TRPV5: variants seen among roughly 807,000 people sequenced by gnomAD.
TRPV5 encodes the protein transient receptor potential cation channel subfamily V member 5, also known as calcium transport protein 2.
Under a neutral mutation model 74.1 loss-of-function variants are expected in TRPV5, and 66 were observed. That is an observed-to-expected ratio of 0.89 (90% CI 0.73 to 1.09). TRPV5 has a LOEUF of 1.09. Ranked by LOEUF, TRPV5 falls within the 50% of genes least tolerant of loss-of-function variation. TRPV5 has a pLI of 0.00. For missense variants in TRPV5, 936 were observed against 930.4 expected (o/e 1.01, Z -0.08); for synonymous variants, 399 against 360.7 (o/e 1.11, Z -1.20).
intron 1 of TRPV5, among the ~76,000 whole-genome samples, chr7:142,931,544 T>C (rs1016789743): frequency 6.6e-6 from 1 of 152,130 alleles, no homozygotes; most frequent in African/African-American, 2.4e-5. Context: ...CTGGAGCCTC[T>C]CCAACTAGAC....
chr7:142,911,650 G>A (rs535081273), intron 13 of TRPV5, among the ~76,000 whole-genome samples: 5 of 152,124 alleles, frequency 3.3e-5, no homozygotes, highest in East Asian at 1.9e-4. Flanking sequence ...CAACTAAACC[G>A]TCAGCTCCAT....
chr7:142,929,483 A>G lies in TRPV5; in HGVS notation c.432T>C (p.Ser144=), dbSNP rs1211366489. 5.0e-6 allele frequency: 8 copies of G among 1,614,030 alleles called. No homozygotes were observed. Among genetic ancestry groups the G allele is most frequent in the African/African-American group, 2.7e-5 (2 of 74,920 alleles). ...GGAAGGCAGTGCCTGTGGCTCTGGC[A>G]GAGACACTGGCCCTGCGGGTGAGCA... ...RALLTRRASV[S]ARATGTAFRH... The change falls in exon 4 of 15, where the codon TCT becomes TCC. Residue 144 remains serine, a synonymous_variant. Coordinates refer to ENST00000265310, the MANE Select transcript of TRPV5 (RefSeq NM_019841.7).
At chr7:142,915,108 T>C (rs773119670) in intron 10 of TRPV5, 62 bp from the exon 11 acceptor site, 2 of 1,585,162 alleles carry the variant, frequency 1.3e-6, no homozygotes, top group African/African-American at 1.3e-5. Flanking sequence ...CCCTACAGCA[T>C]AGTGGTGACC....
chr7:142,933,309 A>T, intron 1 of TRPV5, 23 bp downstream of exon 1: 1 of 1,611,568 alleles, frequency 6.2e-7, no homozygotes, highest in Non-Finnish European at 8.5e-7. Flanking sequence ...CGGTAGGGCC[A>T]CGGATCGTTC....
At chr7:142,930,760 G>A (rs1038046338) in intron 1 of TRPV5, among the ~76,000 whole-genome samples, 3 of 152,014 alleles carry the variant, frequency 2.0e-5, no homozygotes, top group African/African-American at 4.8e-5. Flanking sequence ...CTAAGAAGAG[G>A]ACCCTAGGCT....
chr7:142,923,192 A>T (rs1199126275), intron 8 of TRPV5, among the ~76,000 whole-genome samples: 1 of 152,222 alleles, frequency 6.6e-6, no homozygotes, highest in African/African-American at 2.4e-5. Flanking sequence ...TAAAGTATTC[A>T]TTCATCTAAG....
chr7:142,925,490 T>C (rs752725870), intron 8 of TRPV5, 39 bp downstream of exon 8: 9 of 1,607,738 alleles, frequency 5.6e-6, no homozygotes, highest in Admixed American at 1.7e-5. Context: ...CATCACCCCT[T>C]GATGCAATTC....
chr7:142,921,830 C>T (rs571134146), intron 8 of TRPV5, among the ~76,000 whole-genome samples: 64 of 152,284 alleles, frequency 4.2e-4, no homozygotes, highest in African/African-American at 1.5e-3. Context: ...GGTACCCAAC[C>T]CAACTCTCTG....
At chr7:142,915,181 A>G (rs1795773131) in intron 10 of TRPV5, 126 bp downstream of exon 10, 2 of 1,512,088 alleles carry the variant, frequency 1.3e-6, no homozygotes, top group South Asian at 1.2e-5. Flanking sequence ...AGTTACACCT[A>G]CAAGTCCACT....
At chr7:142,932,267 G>A (rs1451704645) in intron 1 of TRPV5, among the ~76,000 whole-genome samples, 1 of 152,108 alleles carries the variant, frequency 6.6e-6, no homozygotes, top group African/African-American at 2.4e-5. Flanking sequence ...CCTCTGCAGA[G>A]GGTCCAAGTT....
At chr7:142,928,548 C>A (rs1796027498) in intron 6 of TRPV5, 143 bp downstream of exon 6, 1 of 1,231,158 alleles carries the variant, frequency 8.1e-7, no homozygotes, top group Non-Finnish European at 1.1e-6. Flanking sequence ...GAATAGGAAG[C>A]AAGGGACCAC....
chr7:142,920,201 G>A (rs944066935), intron 8 of TRPV5, among the ~76,000 whole-genome samples: 1 of 152,212 alleles, frequency 6.6e-6, no homozygotes, highest in Non-Finnish European at 1.5e-5. Flanking sequence ...TGGTTCCCAT[G>A]TAAGTCAAGC....
At position 142,928,872 on chromosome 7, in the gene TRPV5, G is replaced by A. The variant is rs1563377597; in HGVS notation, c.587-6C>T. On this transcript the variant is annotated splice_polypyrimidine_tract_variant and splice_region_variant and intron_variant, in intron 5 of 14. Transcript: ENST00000265310. ...GATGTGTAATACTGTGTTTCCTGGGGAGGACGCAGGGTATCATGTGGCCAC... is the reference window on the plus strand; with the variant it reads ...GATGTGTAATACTGTGTTTCCTGGGAAGGACGCAGGGTATCATGTGGCCAC... 6.2e-7 allele frequency: 1 copy of A among 1,613,748 alleles called. No individual in the cohort carries two copies. Among genetic ancestry groups the A allele is most frequent in the Admixed American group, 1.7e-5 (1 of 59,998 alleles).
intron 12 of TRPV5, 30 bp downstream of exon 12, chr7:142,914,610 G>A (rs1289657206): frequency 1.3e-6 from 2 of 1,593,252 alleles, no homozygotes; most frequent in Admixed American, 1.7e-5. Flanking sequence ...TAGATCTGCT[G>A]ATCTAGTAGA....
At chr7:142,928,452 C>G (rs1356540885) in intron 6 of TRPV5, among the ~76,000 whole-genome samples, 5 of 152,176 alleles carry the variant, frequency 3.3e-5, no homozygotes, top group Non-Finnish European at 7.3e-5. Context: ...GAAGCTAGAG[C>G]TTTGGGTTAT....
At position 142,930,158 on chromosome 7, in the gene TRPV5, C is replaced by T. The variant is rs780929438; in HGVS notation, c.249G>A (p.Leu83=). 2.9e-5 allele frequency: 47 copies of T among 1,613,742 alleles called. No homozygotes were observed. Among genetic ancestry groups the T allele is most frequent in the Non-Finnish European group, 4.0e-5 (47 of 1,179,956 alleles). Residue 83 remains leucine, a synonymous_variant, in exon 3 of 15, where the codon CTG becomes CTA. Coordinates refer to ENST00000265310, the MANE Select transcript of TRPV5 (RefSeq NM_019841.7). ...RQRGALGETA[L]HIAALYDNLE... ...AGTTGTCATAGAGGGCTGCTATGTGCAGCGCCGTCTCCCCCAGGGCTCCTG... is the reference window on the plus strand; with the variant it reads ...AGTTGTCATAGAGGGCTGCTATGTGTAGCGCCGTCTCCCCCAGGGCTCCTG...
At position 142,930,043 on chromosome 7, in the gene TRPV5, A is replaced by G. The variant is rs4252402; in HGVS notation, c.349+15T>C. ...CTCAAAGTTTCCACCTTGAATTACC[A>G]TGTAGGCTCCTTACCTGCAAAAGCC... On this transcript the variant is annotated intron_variant, in intron 3 of 14. Transcript: ENST00000265310. 1,275,833 of 1,613,550 alleles carry G rather than the reference A, an allele frequency of 0.79. 506,032 individuals are homozygous for G. The highest frequency in any genetic ancestry group is 0.95 in the East Asian group (42,563 of 44,836).
In TRPV5 at chr7:142,928,809, A is replaced by G; in HGVS notation, c.644T>C (p.Met215Thr). ...LQPNKTFACQ[M>T]YNLLLSYDGH... is the part of the protein sequence containing the mutation. ...ATCATAGGACAGCAGCAGGTTGTAC[A>G]TCTGGCAGGCAAAGGTTTTGTTGGG... Residue 215 changes from methionine to threonine, a missense_variant, in exon 6 of 15, where the codon ATG becomes ACG. Coordinates refer to ENST00000265310, the MANE Select transcript of TRPV5 (RefSeq NM_019841.7). The G allele has an allele frequency of 6.2e-7, 1 of 1,614,170 alleles. No homozygotes were observed. The highest frequency in any genetic ancestry group is 8.5e-7 in the Non-Finnish European group (1 of 1,180,012).
intron 11 of TRPV5, 82 bp downstream of exon 11, chr7:142,914,799 C>T (rs1483522276): frequency 3.7e-6 from 6 of 1,609,286 alleles, no homozygotes; most frequent in Non-Finnish European, 5.1e-6. Flanking sequence ...CCCCATAGTT[C>T]TACCAGCTCC....
Sources: allele counts gnomAD v4.1 joint callset (sites outside exome capture counted in the v4.1 genomes callset), GRCh38; gene constraint gnomAD v4.1.1; transcripts MANE v1.5; gene names NCBI Gene and HGNC (gene_info 2026-07-23, HGNC 2026-07-21).